The following SORCS2 variants were observed in gnomAD, a reference collection of about 807,000 sequenced individuals.
SORCS2 encodes the protein sortilin related VPS10 domain containing receptor 2.
SORCS2 carries 100 observed loss-of-function variants against 141.6 expected under a neutral mutation model. The ratio of observed to expected loss-of-function variants is 0.71; its 90% CI spans 0.60 to 0.83. The LOEUF (loss-of-function observed/expected upper bound fraction) is 0.83, where lower values mean the gene tolerates loss of function less well. Ranked by LOEUF, SORCS2 falls within the 40% of genes least tolerant of loss-of-function variation. The pLI, the probability that SORCS2 is intolerant of heterozygous loss-of-function variation, is 0.00. For missense variants in SORCS2, 1,646 were observed against 1,560.2 expected, an observed-to-expected ratio of 1.05 and a Z score of -0.93; for synonymous variants, 789 against 676.9, an observed-to-expected ratio of 1.17 and a Z score of -2.57.
chr4:7,624,153 A>G (rs765315267), intron 3 of SORCS2, among the ~76,000 whole-genome samples: 4 of 152,198 alleles, frequency 2.6e-5, no homozygotes, highest in Non-Finnish European at 5.9e-5. Context: ...TACTCTATGC[A>G]GTAGAAGTTC....
chr4:7,580,201 A>C (rs1000348002), intron 3 of SORCS2, among the ~76,000 whole-genome samples: 11 of 152,162 alleles, frequency 7.2e-5, no homozygotes, highest in African/African-American at 2.4e-4. Context: ...GCTTTGCACA[A>C]ATGGGTGTGG....
intron 16 of SORCS2, 113 bp from the exon 17 acceptor site, chr4:7,715,070 C>T (rs946308120): frequency 8.9e-5 from 128 of 1,432,634 alleles, no homozygotes; most frequent in Middle Eastern, 3.6e-4. Flanking sequence ...GGGTGCATAG[C>T]AGGCCCTTGA....
rs868447322 is a variant in SORCS2 at position 7,215,456 on chromosome 4, G to C, written c.480+22330G>C. Among the ~76,000 whole-genome samples the C allele has an allele frequency of 9.8e-4, 149 of 152,298 alleles. 1 individual carries two copies. The highest frequency in any genetic ancestry group is 3.4e-3 in the African/African-American group (141 of 41,574). On this transcript the variant is annotated intron_variant, in intron 1 of 26. Coordinates refer to ENST00000507866, the MANE Select transcript of SORCS2 (RefSeq NM_020777.3). ...TGCTGCCCGAGCCTCCCTGACGAGC[G>C]CGACCCCCTGCTCCACGGCTCCCAG...
At chr4:7,322,196 G>T (rs1718939987) in intron 1 of SORCS2, among the ~76,000 whole-genome samples, 1 of 152,202 alleles carries the variant, frequency 6.6e-6, no homozygotes, top group African/African-American at 2.4e-5. Context: ...CATGGCCAGG[G>T]CCTGGAGACC....
intron 17 of SORCS2, 26 bp from the exon 18 acceptor site, chr4:7,717,986 A>G (rs1474825931): frequency 1.3e-6 from 2 of 1,579,194 alleles, no homozygotes; most frequent in East Asian, 2.3e-5. Context: ...TCTGAAGCGG[A>G]CCCTGACCCT....
chr4:7,456,853 C>G (rs1728944781), intron 2 of SORCS2, among the ~76,000 whole-genome samples: 1 of 151,944 alleles, frequency 6.6e-6, no homozygotes, highest in South Asian at 2.1e-4. Context: ...CAGAATTCCA[C>G]CCCACCCCAC....
intron 12 of SORCS2, among the ~76,000 whole-genome samples, chr4:7,701,913 G>A (rs1725113221): frequency 6.6e-6 from 1 of 152,164 alleles, no homozygotes; most frequent in Admixed American, 6.5e-5. Flanking sequence ...AGCCCCCTGG[G>A]CACAGTGCAC....
intron 3 of SORCS2, among the ~76,000 whole-genome samples, chr4:7,575,060 C>T (rs867511932): frequency 1.3e-5 from 2 of 152,126 alleles, no homozygotes; most frequent in Non-Finnish European, 1.5e-5. Flanking sequence ...TGGTGAAGAT[C>T]GGGGGACTGG....
chr4:7,383,441 T>G (rs3905843), intron 1 of SORCS2, among the ~76,000 whole-genome samples: 1 of 152,128 alleles, frequency 6.6e-6, no homozygotes, highest in African/African-American at 2.4e-5. Context: ...TGTTCAGACA[T>G]GACAGCGTTG....
intron 2 of SORCS2, among the ~76,000 whole-genome samples, chr4:7,412,911 A>T (rs1291245975): frequency 6.6e-6 from 1 of 151,876 alleles, no homozygotes; most frequent in Non-Finnish European, 1.5e-5. Flanking sequence ...CCTTGTCTCT[A>T]GGGTCTGGGT....
At chr4:7,248,335 G>A (rs1009648750) in intron 1 of SORCS2, among the ~76,000 whole-genome samples, 41 of 69,316 alleles carry the variant, frequency 5.9e-4, no homozygotes, top group Admixed American at 2.5e-3. Flanking sequence ...ACAGGTCACC[G>A]TGGGGGGGCC....
chr4:7,393,039 C>T (rs2109104386), intron 1 of SORCS2, among the ~76,000 whole-genome samples: 1 of 152,312 alleles, frequency 6.6e-6, no homozygotes, highest in African/African-American at 2.4e-5. Flanking sequence ...GATTCGTGCA[C>T]TGCCTTCCCC....
chr4:7,369,000 T>C (rs1722082907), intron 1 of SORCS2, among the ~76,000 whole-genome samples: 1 of 152,182 alleles, frequency 6.6e-6, no homozygotes, highest in Non-Finnish European at 1.5e-5. Flanking sequence ...CATGTGGAAT[T>C]GTGAGTCCAT....
intron 9 of SORCS2, among the ~76,000 whole-genome samples, chr4:7,677,345 C>A (rs1355433079): frequency 6.6e-6 from 1 of 152,260 alleles, no homozygotes. Context: ...TCCTTTGTTC[C>A]TGAGATGCCA....
At chr4:7,713,326 T>G (rs1288315839) in intron 15 of SORCS2, among the ~76,000 whole-genome samples, 1 of 152,000 alleles carries the variant, frequency 6.6e-6, no homozygotes, top group African/African-American at 2.4e-5. Context: ...CCATCTGTAG[T>G]TCCAATCAGG....
chr4:7,706,740 G>A (rs1054889400), intron 14 of SORCS2, among the ~76,000 whole-genome samples: 3 of 146,392 alleles, frequency 2.0e-5, no homozygotes, highest in Non-Finnish European at 3.0e-5. Context: ...CTCTGCCTGG[G>A]CAGGGATGAG....
At chr4:7,269,573 C>G (rs561394179) in intron 1 of SORCS2, among the ~76,000 whole-genome samples, 1 of 152,182 alleles carries the variant, frequency 6.6e-6, no homozygotes, top group East Asian at 1.9e-4. Flanking sequence ...TTGAGACATT[C>G]GTCACACGAA....
At chr4:7,461,959 C>CT (rs1729341177) in intron 2 of SORCS2, among the ~76,000 whole-genome samples, 5 of 152,092 alleles carry the variant, frequency 3.3e-5, no homozygotes, top group African/African-American at 1.2e-4. Context: ...TGCTGTCCCA[C>CT]GGCAGCTGGA....
At chr4:7,261,206 A>G (rs28572756) in intron 1 of SORCS2, among the ~76,000 whole-genome samples, 27,907 of 152,190 alleles carry the variant, frequency 0.18, 6,755 homozygotes, top group African/African-American at 0.56. Context: ...GTCTAACATT[A>G]CATTTTGGCA....
Sources: gnomAD v4.1 joint callset for allele counts (sites outside exome capture counted in the v4.1 genomes callset) on GRCh38, gnomAD v4.1.1 for gene constraint, MANE v1.5 for transcripts, NCBI Gene and HGNC (gene_info 2026-07-23, HGNC 2026-07-21) for gene names.